EYA2: variants seen among roughly 807,000 people sequenced by gnomAD.
EYA2 encodes EYA transcriptional coactivator and phosphatase 2, also known as protein phosphatase EYA2.
A neutral mutation model predicts 69.2 loss-of-function variants in EYA2; 31 were observed. The ratio of observed to expected loss-of-function variants is 0.45; its 90% confidence interval spans 0.34 to 0.60. EYA2 has a LOEUF of 0.60. Among genes scored for constraint, EYA2 ranks in the 20% least tolerant of loss-of-function variants. The pLI is 0.02. For synonymous variants in EYA2, 257 were observed against 279.4 expected, an observed-to-expected ratio of 0.92 and a Z score of 0.80; for missense variants, 622 against 701.2, an observed-to-expected ratio of 0.89 and a Z score of 1.28.
chr20:46,918,074 A>G (rs1169482823), intron 1 of EYA2, among the ~76,000 whole-genome samples: 2 of 152,082 alleles, frequency 1.3e-5, no homozygotes, highest in African/African-American at 4.8e-5. Flanking sequence ...CAATCCCAGC[A>G]CTTTGGGAAG....
intron 6 of EYA2, among the ~76,000 whole-genome samples, chr20:47,073,724 C>T (rs1156309319): frequency 6.6e-6 from 1 of 151,944 alleles, no homozygotes; most frequent in Non-Finnish European, 1.5e-5. Flanking sequence ...AACCAGTGCA[C>T]GGGGCAGGCA....
At chr20:47,184,930 C>T (rs567205201) in intron 15 of EYA2, among the ~76,000 whole-genome samples, 3 of 152,286 alleles carry the variant, frequency 2.0e-5, no homozygotes, top group Non-Finnish European at 4.4e-5. Flanking sequence ...ACACACCCAC[C>T]ACACACAGAA....
At position 47,016,195 on chromosome 20, in the gene EYA2, G is replaced by A. The variant is rs761515314; in HGVS notation, c.313G>A (p.Asp105Asn). The A allele has an allele frequency of 1.9e-6, 3 of 1,613,916 alleles. No homozygotes were observed. The highest frequency in any genetic ancestry group is 1.6e-4 in the Middle Eastern group (1 of 6,062). The change falls in exon 5 of 16, where the codon GAC (aspartate) becomes AAC (asparagine). Residue 105 changes from aspartate (D) to asparagine (N), a missense_variant. Asp to Asn is a conservative substitution (Grantham distance 23). This residue lies in a region of EYA2 where 365 missense variants were observed against 349.7 expected (regional missense o/e 1.04). Coordinates refer to ENST00000327619, the MANE Select transcript of EYA2 (RefSeq NM_005244.5). Reference protein sequence around the residue: ...GIPSYSIKTEDSLNHSPGQSG... With the variant: ...GIPSYSIKTENSLNHSPGQSG... ...TTCCTTCAAAGGCATCAAGACAGAA[G>A]ACAGCTTGAACCATTCCCCTGGCCA...
At chr20:47,125,395 T>A (rs892954231) in intron 9 of EYA2, among the ~76,000 whole-genome samples, 1 of 152,204 alleles carries the variant, frequency 6.6e-6, no homozygotes, top group Admixed American at 6.5e-5. Flanking sequence ...TTATCTTTTC[T>A]ATTTTTGGTG....
chr20:47,073,460 G>C (rs1282101040), intron 6 of EYA2, among the ~76,000 whole-genome samples: 1 of 151,744 alleles, frequency 6.6e-6, no homozygotes, highest in Admixed American at 6.6e-5. Context: ...TCGTGTGGGT[G>C]TGTGTGCGGT....
intron 7 of EYA2, among the ~76,000 whole-genome samples, chr20:47,080,138 A>G (rs903057252): frequency 2.6e-5 from 4 of 152,188 alleles, no homozygotes; most frequent in African/African-American, 9.7e-5. Context: ...CATACAAAGC[A>G]TGTTCTCTGA....
chr20:47,117,765 A>G, intron 9 of EYA2: 1 of 876,058 alleles, frequency 1.1e-6, no homozygotes, highest in East Asian at 1.2e-4. Flanking sequence ...AATTCAGAGG[A>G]CCACAGATTC....
At chr20:47,051,403 C>T (rs368654006) in intron 5 of EYA2, among the ~76,000 whole-genome samples, 2 of 152,184 alleles carry the variant, frequency 1.3e-5, no homozygotes, top group African/African-American at 2.4e-5. Flanking sequence ...ATGAATGAAC[C>T]TTCCAGTAGG....
intron 3 of EYA2, among the ~76,000 whole-genome samples, chr20:47,003,468 A>AT (rs1316960782): frequency 6.6e-6 from 1 of 152,202 alleles, no homozygotes; most frequent in Non-Finnish European, 1.5e-5. Context: ...AATCCAGCTG[A>AT]TAGCACCACA....
intron 10 of EYA2, among the ~76,000 whole-genome samples, chr20:47,164,253 G>T (rs1375122514): frequency 2.6e-5 from 4 of 152,200 alleles, no homozygotes; most frequent in African/African-American, 9.7e-5. Context: ...GGTGGAGTAT[G>T]AGGTAGCGTC....
chr20:47,155,074 T>G (rs566184655), intron 10 of EYA2, among the ~76,000 whole-genome samples: 43 of 152,010 alleles, frequency 2.8e-4, no homozygotes, highest in African/African-American at 1.0e-3. Context: ...CAGGCTGGTC[T>G]CAAACTCCCG....
At chr20:47,085,422 C>T (rs1198047885) in intron 7 of EYA2, among the ~76,000 whole-genome samples, 2 of 151,704 alleles carry the variant, frequency 1.3e-5, no homozygotes, top group African/African-American at 2.4e-5. Context: ...CTGAGGTGGG[C>T]GGATCATGAG....
intron 9 of EYA2, among the ~76,000 whole-genome samples, chr20:47,121,371 G>C (rs187851592): frequency 2.6e-5 from 4 of 152,146 alleles, no homozygotes; most frequent in Non-Finnish European, 4.4e-5. Flanking sequence ...GGAATTACAC[G>C]CATGAGCCAC....
intron 5 of EYA2, among the ~76,000 whole-genome samples, chr20:47,065,914 T>A (rs2031091151): frequency 6.6e-6 from 1 of 152,248 alleles, no homozygotes; most frequent in African/African-American, 2.4e-5. Context: ...CTTACCTGAA[T>A]GTCAGTGTCA....
chr20:46,955,434 A>G (rs61102391), intron 1 of EYA2, among the ~76,000 whole-genome samples: 7,360 of 152,284 alleles, frequency 0.048, 518 homozygotes, highest in African/African-American at 0.16. Flanking sequence ...AGAAACCTCT[A>G]CACACTTTGG....
chr20:46,940,084 T>A (rs992052994), intron 1 of EYA2, among the ~76,000 whole-genome samples: 9 of 152,192 alleles, frequency 5.9e-5, no homozygotes, highest in African/African-American at 2.2e-4. Context: ...TAGGCCTACC[T>A]GAGGATGTCA....
At chr20:46,990,195 A>G (rs1981564437) in intron 2 of EYA2, 76 bp downstream of exon 2, 3 of 779,508 alleles carry the variant, frequency 3.8e-6, no homozygotes, top group Non-Finnish European at 6.9e-6. Context: ...TAAGCAACAG[A>G]CACGCATCCT....
intron 10 of EYA2, among the ~76,000 whole-genome samples, chr20:47,167,472 T>TG (rs936405686): frequency 2.6e-5 from 4 of 151,704 alleles, no homozygotes; most frequent in Non-Finnish European, 5.9e-5. Context: ...TTAGTAGAGG[T>TG]GGGGTTTCTC....
chr20:47,122,346 T>G (rs1254076080), intron 9 of EYA2, among the ~76,000 whole-genome samples: 3 of 144,482 alleles, frequency 2.1e-5, no homozygotes, highest in Non-Finnish European at 4.5e-5. Context: ...TAGGCTGGAG[T>G]GCAGTGGCAC....
Sources: gnomAD v4.1 joint callset for allele counts (sites outside exome capture counted in the v4.1 genomes callset) on GRCh38, gnomAD v4.1.1 for gene constraint, gnomAD v4.1.1 regional missense constraint, MANE v1.5 for transcripts, NCBI Gene and HGNC (gene_info 2026-07-23, HGNC 2026-07-21) for gene names.